SEMA6D: variants seen among roughly 807,000 people sequenced by gnomAD.
The protein encoded by SEMA6D is semaphorin-6D.
A neutral mutation model predicts 106.6 loss-of-function variants in SEMA6D; 35 were observed. That is an observed-to-expected ratio of 0.33 (90% CI 0.25 to 0.44). The LOEUF (loss-of-function observed/expected upper bound fraction) is 0.44, where lower values mean the gene tolerates loss of function less well. SEMA6D is among the 20% of genes least tolerant of loss of function. SEMA6D has a pLI of 1.00. For missense variants in SEMA6D, 1,185 were observed against 1,345.9 expected (o/e 0.88, Z 1.87); for synonymous variants, 499 against 487.7 (o/e 1.02, Z -0.31).
At chr15:47,348,727 C>CACCACACACAGAGAGAGAGAGAGAGAG (rs1450109233) in intron 1 of SEMA6D, among the ~76,000 whole-genome samples, 1 of 57,054 alleles carries the variant, frequency 1.8e-5, no homozygotes, top group African/African-American at 5.0e-5. Flanking sequence ...ACCACACACA[C>CACCACACACAGAGAGAGAGAGAGAGAG]AGAGAGAGAG....
At chr15:47,202,080 T>A (rs988687834) in intron 1 of SEMA6D, among the ~76,000 whole-genome samples, 4 of 151,954 alleles carry the variant, frequency 2.6e-5, no homozygotes, top group African/African-American at 9.7e-5. Flanking sequence ...AAGCCTGTGG[T>A]CTGTAACAGA....
intron 1 of SEMA6D, among the ~76,000 whole-genome samples, chr15:47,327,232 TA>T (rs1281935763): frequency 1.3e-5 from 2 of 152,202 alleles, no homozygotes; most frequent in African/African-American, 4.8e-5. Context: ...AAAATGCTGA[TA>T]ACCACTTCTA....
At chr15:47,545,359 T>C (rs2045488416) in intron 3 of SEMA6D, among the ~76,000 whole-genome samples, 1 of 152,166 alleles carries the variant, frequency 6.6e-6, no homozygotes, top group South Asian at 2.1e-4. Flanking sequence ...CCAAAACCTA[T>C]TCTGGATCAG....
chr15:47,729,454 G>A (rs1434425833), intron 1 of SEMA6D, among the ~76,000 whole-genome samples: 1 of 152,178 alleles, frequency 6.6e-6, no homozygotes, highest in East Asian at 1.9e-4. Context: ...CACTTTGGAG[G>A]TCTATAGGAA....
At chr15:47,269,000 T>G (rs80109098) in intron 1 of SEMA6D, among the ~76,000 whole-genome samples, 15,826 of 152,146 alleles carry the variant, frequency 0.1, 1,770 homozygotes, top group African/African-American at 0.28. Flanking sequence ...GTGTTAGTAT[T>G]TTCAGCAAAA....
intron 1 of SEMA6D, among the ~76,000 whole-genome samples, chr15:47,313,056 C>T (rs991852725): frequency 6.6e-6 from 1 of 152,062 alleles, no homozygotes; most frequent in African/African-American, 2.4e-5. Context: ...ACATGCATAG[C>T]CTCCCCCATT....
intron 1 of SEMA6D, among the ~76,000 whole-genome samples, chr15:47,294,943 T>C (rs910094857): frequency 6.6e-6 from 1 of 152,216 alleles, no homozygotes; most frequent in African/African-American, 2.4e-5. Context: ...CATTTAGTTC[T>C]CTTGTGCAAT....
chr15:47,329,997 T>C (rs1170459234), intron 1 of SEMA6D, among the ~76,000 whole-genome samples: 1 of 152,230 alleles, frequency 6.6e-6, no homozygotes, highest in African/African-American at 2.4e-5. Context: ...AAACTGCTCA[T>C]GCTGTACTGC....
intron 3 of SEMA6D, among the ~76,000 whole-genome samples, chr15:47,516,136 A>G (rs1049540251): frequency 1.3e-5 from 2 of 152,102 alleles, no homozygotes; most frequent in African/African-American, 4.8e-5. Context: ...TGGGAGCAAC[A>G]TTGTTGTTTA....
intron 1 of SEMA6D, among the ~76,000 whole-genome samples, chr15:47,290,836 G>A (rs1288783214): frequency 2.0e-5 from 3 of 152,168 alleles, no homozygotes; most frequent in South Asian, 4.1e-4. Flanking sequence ...CCATTCGCAT[G>A]GGTGCATAGA....
chr15:47,496,944 C>T (rs2141533496), intron 3 of SEMA6D, among the ~76,000 whole-genome samples: 1 of 152,134 alleles, frequency 6.6e-6, no homozygotes. Context: ...AGCACAGTTG[C>T]ACTGCAGTCC....
intron 1 of SEMA6D, among the ~76,000 whole-genome samples, chr15:47,209,788 A>G (rs182719964): frequency 2.0e-5 from 3 of 152,278 alleles, no homozygotes; most frequent in African/African-American, 7.2e-5. Flanking sequence ...GAAGTTTCTC[A>G]AATGTTGCCA....
intron 1 of SEMA6D, among the ~76,000 whole-genome samples, chr15:47,378,741 G>A (rs944256265): frequency 1.3e-5 from 2 of 152,134 alleles, no homozygotes; most frequent in African/African-American, 4.8e-5. Flanking sequence ...CTGTGAAATG[G>A]GATTACTTGA....
chr15:47,541,941 C>A (rs531649161), intron 3 of SEMA6D, among the ~76,000 whole-genome samples: 43 of 152,238 alleles, frequency 2.8e-4, no homozygotes, highest in Admixed American at 6.5e-4. Flanking sequence ...CCATTTGCAG[C>A]TGCTTATTTG....
intron 4 of SEMA6D, among the ~76,000 whole-genome samples, chr15:47,675,476 G>C (rs2078225475): frequency 6.6e-6 from 1 of 152,152 alleles, no homozygotes; most frequent in Admixed American, 6.5e-5. Flanking sequence ...GCAAGACAAG[G>C]AGAGGGACCT....
chr15:47,279,718 TGA>T (rs1434285253), intron 1 of SEMA6D, among the ~76,000 whole-genome samples: 1 of 152,168 alleles, frequency 6.6e-6, no homozygotes, highest in Non-Finnish European at 1.5e-5. Context: ...CCTAATTTAT[TGA>T]GAGTTTTTAG....
intron 1 of SEMA6D, among the ~76,000 whole-genome samples, chr15:47,340,463 A>T (rs1443628297): frequency 6.6e-6 from 1 of 152,200 alleles, no homozygotes; most frequent in African/African-American, 2.4e-5. Flanking sequence ...CCAGTTAATC[A>T]TGGATCGTTA....
chr15:47,299,684 C>G (rs1325057718), intron 1 of SEMA6D, among the ~76,000 whole-genome samples: 4 of 152,126 alleles, frequency 2.6e-5, no homozygotes, highest in Non-Finnish European at 1.5e-5. Flanking sequence ...ACAAACTACC[C>G]TGGGTGGAAT....
At chr15:47,188,743 AGTT>A (rs1893744984) in intron 1 of SEMA6D, among the ~76,000 whole-genome samples, 1 of 152,164 alleles carries the variant, frequency 6.6e-6, no homozygotes, top group Non-Finnish European at 1.5e-5. Context: ...AGATCATCAA[AGTT>A]GTTATGAATA....
Sources: allele counts gnomAD v4.1 joint callset (sites outside exome capture counted in the v4.1 genomes callset), GRCh38; gene constraint gnomAD v4.1.1; transcripts MANE v1.5; gene names NCBI Gene and HGNC (gene_info 2026-07-23, HGNC 2026-07-21).